KCNIP4: variants seen among roughly 807,000 people sequenced by gnomAD.
KCNIP4 encodes the protein potassium voltage-gated channel interacting protein 4.
Under a neutral mutation model 34.0 loss-of-function variants are expected in KCNIP4, and 12 were observed. The ratio of observed to expected loss-of-function variants is 0.35; its 90% CI spans 0.23 to 0.57. The LOEUF (loss-of-function observed/expected upper bound fraction) is 0.57. KCNIP4 is among the 20% of genes least tolerant of loss of function. KCNIP4 has a pLI of 0.83. For missense variants in KCNIP4, 238 were observed against 311.7 expected (o/e 0.76, Z 1.78); for synonymous variants, 124 against 102.2 (o/e 1.21, Z -1.29).
At chr4:21,015,438 A>T (rs954564204) in intron 1 of KCNIP4, among the ~76,000 whole-genome samples, 1 of 141,620 alleles carries the variant, frequency 7.1e-6, no homozygotes, top group Admixed American at 7.5e-5. Flanking sequence ...GGTTATATAT[A>T]ATATATATAT....
intron 1 of KCNIP4, chr4:21,316,371 A>T (rs770350204): frequency 3.3e-5 from 5 of 152,256 alleles, no homozygotes; most frequent in Non-Finnish European, 5.9e-5. Context: ...AAAGAAAAAA[A>T]TGAATGGCAT....
chr4:20,931,559 G>C (rs1730474910), intron 1 of KCNIP4, among the ~76,000 whole-genome samples: 1 of 152,006 alleles, frequency 6.6e-6, no homozygotes, highest in Non-Finnish European at 1.5e-5. Flanking sequence ...GTAACACAAT[G>C]GGAAGTATTT....
chr4:21,077,436 G>A (rs144778321), intron 1 of KCNIP4, among the ~76,000 whole-genome samples: 1 of 152,036 alleles, frequency 6.6e-6, no homozygotes, highest in African/African-American at 2.4e-5. Context: ...TTATTATAAT[G>A]CTGGTCTTTT....
intron 1 of KCNIP4, among the ~76,000 whole-genome samples, chr4:21,402,905 T>A (rs1021511757): frequency 2.0e-5 from 3 of 152,190 alleles, no homozygotes; most frequent in African/African-American, 7.2e-5. Flanking sequence ...GGTCCCCTCA[T>A]CCCTGTGTAG....
intron 1 of KCNIP4, among the ~76,000 whole-genome samples, chr4:21,105,908 G>A (rs1748475185): frequency 6.6e-6 from 1 of 151,392 alleles, no homozygotes; most frequent in Non-Finnish European, 1.5e-5. Flanking sequence ...TTATTGATTT[G>A]CATATATTGA....
chr4:21,135,116 G>A (rs1466119103), intron 1 of KCNIP4, among the ~76,000 whole-genome samples: 1 of 152,188 alleles, frequency 6.6e-6, no homozygotes, highest in African/African-American at 2.4e-5. Flanking sequence ...GTCTGCAGAG[G>A]TCTCACAAAA....
At chr4:20,999,273 G>T (rs966661560) in intron 1 of KCNIP4, among the ~76,000 whole-genome samples, 6 of 152,112 alleles carry the variant, frequency 3.9e-5, no homozygotes, top group African/African-American at 1.4e-4. Flanking sequence ...GAGTGAGTGT[G>T]TTTGGGTAGG....
At chr4:21,555,934 T>C (rs912740241) in intron 1 of KCNIP4, among the ~76,000 whole-genome samples, 7 of 152,018 alleles carry the variant, frequency 4.6e-5, no homozygotes, top group African/African-American at 1.7e-4. Flanking sequence ...GCTGTGTCTG[T>C]AGACACAGCT....
At chr4:21,252,774 T>G (rs1199051157) in intron 1 of KCNIP4, among the ~76,000 whole-genome samples, 1 of 115,924 alleles carries the variant, frequency 8.6e-6, no homozygotes, top group African/African-American at 3.5e-5. Flanking sequence ...TTTTTTTTTT[T>G]GTCGTAAGTA....
intron 1 of KCNIP4, among the ~76,000 whole-genome samples, chr4:21,262,123 C>T (rs377690665): frequency 7.9e-5 from 12 of 152,164 alleles, no homozygotes; most frequent in African/African-American, 2.7e-4. Flanking sequence ...ATCGCAATGA[C>T]TTCCCATAAA....
At chr4:20,964,235 G>A (rs1734125706) in intron 1 of KCNIP4, among the ~76,000 whole-genome samples, 1 of 152,120 alleles carries the variant, frequency 6.6e-6, no homozygotes, top group Non-Finnish European at 1.5e-5. Flanking sequence ...AGAGAACACA[G>A]AATGTGTAAA....
chr4:21,630,137 T>TA (rs1745643569), intron 1 of KCNIP4, among the ~76,000 whole-genome samples: 2 of 151,450 alleles, frequency 1.3e-5, no homozygotes, highest in Admixed American at 1.3e-4. Context: ...ATACTGGGAT[T>TA]ACAGGTGTGA....
At chr4:21,111,892 G>C (rs1749206788) in intron 1 of KCNIP4, among the ~76,000 whole-genome samples, 1 of 152,174 alleles carries the variant, frequency 6.6e-6, no homozygotes, top group Non-Finnish European at 1.5e-5. Context: ...CATGGAGAAG[G>C]GAAAAGAGGA....
chr4:21,244,623 GA>G (rs1760074274), intron 1 of KCNIP4, among the ~76,000 whole-genome samples: 1 of 152,170 alleles, frequency 6.6e-6, no homozygotes, highest in Non-Finnish European at 1.5e-5. Flanking sequence ...CTGAGACATA[GA>G]ATATTAATTC....
chr4:21,928,795 CAT>C (rs1345611745), intron 1 of KCNIP4, among the ~76,000 whole-genome samples: 2 of 152,028 alleles, frequency 1.3e-5, no homozygotes, highest in African/African-American at 4.8e-5. Context: ...ATCCGTTGCA[CAT>C]GTCCTCCCCA....
At chr4:21,428,788 C>T (rs1726151925) in intron 1 of KCNIP4, among the ~76,000 whole-genome samples, 1 of 152,128 alleles carries the variant, frequency 6.6e-6, no homozygotes, top group African/African-American at 2.4e-5. Flanking sequence ...AGACTCATTT[C>T]TGAAATGCTA....
intron 3 of KCNIP4, among the ~76,000 whole-genome samples, chr4:20,772,553 G>A (rs1466780025): frequency 6.6e-6 from 1 of 152,086 alleles, no homozygotes; most frequent in African/African-American, 2.4e-5. Context: ...CATCTGCTTT[G>A]GTGAGGCAGG....
chr4:21,564,708 A>G (rs972288), intron 1 of KCNIP4, among the ~76,000 whole-genome samples: 1 of 151,880 alleles, frequency 6.6e-6, no homozygotes, highest in South Asian at 2.1e-4. Context: ...ACAGGCTGTA[A>G]AAGAAGCACA....
chr4:20,984,002 T>C, intron 1 of KCNIP4: 1 of 1,517,352 alleles, frequency 6.6e-7, no homozygotes, highest in Non-Finnish European at 8.8e-7. Flanking sequence ...CGTAGCAACG[T>C]CAGGCTTGGA....
Sources: allele counts gnomAD v4.1 joint callset (sites outside exome capture counted in the v4.1 genomes callset), GRCh38; gene constraint gnomAD v4.1.1; transcripts MANE v1.5; gene names NCBI Gene and HGNC (gene_info 2026-07-23, HGNC 2026-07-21).